The following PRDM11 variants were observed in gnomAD, a reference collection of about 807,000 sequenced individuals.
PRDM11 encodes PR/SET domain 11, also known as PR domain-containing protein 11.
Under a neutral mutation model 97.8 loss-of-function variants are expected in PRDM11, and 20 were observed. The ratio of observed to expected loss-of-function variants is 0.20; its 90% confidence interval spans 0.14 to 0.30. The LOEUF (loss-of-function observed/expected upper bound fraction) is 0.30. Among genes scored for constraint, PRDM11 ranks in the 10% least tolerant of loss-of-function variants. The probability of loss-of-function intolerance (pLI) is 1.00; values close to 1 mark genes in which losing one functional copy is unlikely to be tolerated. For missense variants in PRDM11, 1,139 were observed against 1,555.2 expected, an observed-to-expected ratio of 0.73 and a Z score of 4.50; for synonymous variants, 599 against 637.7, an observed-to-expected ratio of 0.94 and a Z score of 0.91.
Position 45,182,286 on chromosome 11 carries a change from A to C in PRDM11, c.160A>C (p.Lys54Gln), listed in dbSNP as rs766532697. The C allele has an allele frequency of 2.5e-6, 4 of 1,614,044 alleles. No homozygotes were observed. Among genetic ancestry groups the C allele is most frequent in the Non-Finnish European group, 2.5e-6 (3 of 1,180,022 alleles). The stretch of plus-strand genomic sequence containing the variant: ...CTCCTCGGCCATGGAAGTTGAGCCC[A>C]AGAAACTGAAGGGGAAGCGCGACCT... ...PDSSAMEVEP[K>Q]KLKGKRDLIV... Residue 54 changes from lysine (K) to glutamine (Q), a missense_variant, in exon 3 of 8, where the codon AAG becomes CAG. Physicochemically the swap from Lys to Gln is moderately conservative, Grantham distance 53 (BLOSUM62 1). Around this residue, in one of 2 missense-constraint regions of PRDM11, gnomAD observed 429 missense variants for 510.3 expected, o/e 0.84. Coordinates refer to ENST00000683152, the MANE Select transcript of PRDM11 (RefSeq NM_001384648.1).
chr11:45,094,751 T>TG (rs1554962632), upstream of PRDM11, among the ~76,000 whole-genome samples: 67 of 5,150 alleles, frequency 0.013, no homozygotes, highest in African/African-American at 0.015. Context: ...AGGGAAGGAA[T>TG]GAAGAAAGGG....
intron 4 of PRDM11, among the ~76,000 whole-genome samples, chr11:45,197,633 A>G (rs1274285379): frequency 6.6e-6 from 1 of 152,224 alleles, no homozygotes; most frequent in East Asian, 1.9e-4. Context: ...TGTTAAATAC[A>G]TACAGCTTTT....
At position 45,101,567 on chromosome 11, in the gene PRDM11, A is replaced by AAGAAGAAGAAGAAGAAGAAGAAGAAG. The variant is rs1554963215; in HGVS notation, c.96+5667_96+5668insGAAGAAGAAGAAGAAGAAGAAGAAGA. ...CAACACTCTGTCTCAAAAAAAAAAA[A>AAGAAGAAGAAGAAGAAGAAGAAGAAG]AAGAAGAAGAAGAAGAAGAAGAAGA... On this transcript the variant is annotated intron_variant, in intron 1 of 6. Coordinates refer to the PRDM11 transcript ENST00000530656. 1.5e-4 allele frequency among the ~76,000 whole-genome samples: 15 copies of AAGAAGAAGAAGAAGAAGAAGAAGAAG among 96,832 alleles called. 1 individual carries two copies. The highest frequency in any genetic ancestry group is 7.3e-4 in the African/African-American group (15 of 20,504). The allele number at this position is 96,832 out of a possible 152,430, so 63.5% of individuals were successfully genotyped here.
intron 1 of PRDM11, among the ~76,000 whole-genome samples, chr11:45,153,192 G>T (rs115246391): frequency 0.012 from 1,752 of 152,316 alleles, 29 homozygotes; most frequent in African/African-American, 0.04. Context: ...CTTCTGAGTA[G>T]CGAGGGGACC....
At chr11:45,154,153 G>A (rs1474939833) in intron 1 of PRDM11, among the ~76,000 whole-genome samples, 1 of 152,116 alleles carries the variant, frequency 6.6e-6, no homozygotes, top group Admixed American at 6.5e-5. Context: ...CCAGGAGTTT[G>A]AGACCAGCCT....
intron 1 of PRDM11, among the ~76,000 whole-genome samples, chr11:45,161,852 C>T (rs1170987414): frequency 6.6e-6 from 1 of 152,232 alleles, no homozygotes; most frequent in Non-Finnish European, 1.5e-5. Flanking sequence ...GCAGCCTGGC[C>T]AAGGTCATTT....
In PRDM11 at chr11:45,227,424, CGAG is replaced by C; in HGVS notation, c.2803_2805del (p.Glu935del). Reference sequence around the variant, plus strand: ...CCCCGGGAGAATACCTGCAGGAGTTCGAGGAGAATTTCCGAGAGAGCTTCAACG... The same window carrying C: ...CCCCGGGAGAATACCTGCAGGAGTTCGAGAATTTCCGAGAGAGCTTCAACG... On this transcript the variant is annotated inframe_deletion, in exon 8 of 8. Transcript: ENST00000683152. The surrounding 1 kb of genome is among the most constrained non-coding windows in gnomAD (Gnocchi z 8.0). The C allele has an allele frequency of 6.5e-7, 1 of 1,533,830 alleles. No individual in the cohort carries two copies. Among genetic ancestry groups the C allele is most frequent in the Non-Finnish European group, 8.7e-7 (1 of 1,146,714 alleles).
chr11:45,140,483 G>C (rs1852981844), intron 1 of PRDM11, among the ~76,000 whole-genome samples: 10 of 152,202 alleles, frequency 6.6e-5, no homozygotes, highest in Admixed American at 6.5e-4. Context: ...CCTATGGTGG[G>C]ACTTTGGAGA....
rs1460583289 is a variant in PRDM11, at chr11:45,228,211, A to G, written c.*52A>G. On this transcript the variant is annotated 3_prime_UTR_variant, in exon 8 of 8. Coordinates refer to ENST00000683152, the MANE Select transcript of PRDM11 (RefSeq NM_001384648.1). ...GCTGTTGAATATTTTTTTAATCTATACTCATAAGCTTTGATATATTATATA... is the reference window on the plus strand; with the variant it reads ...GCTGTTGAATATTTTTTTAATCTATGCTCATAAGCTTTGATATATTATATA... 2 of 1,212,356 alleles carry G rather than the reference A, an allele frequency of 1.6e-6. No individual in the cohort carries two copies. Among genetic ancestry groups the G allele is most frequent in the Non-Finnish European group, 2.1e-6 (2 of 948,100 alleles). The allele number at this position is 1,212,356 out of a possible 1,614,324, so 75.1% of individuals were successfully genotyped here.
intron 5 of PRDM11, among the ~76,000 whole-genome samples, chr11:45,216,675 GAAC>G (rs1211408845): frequency 6.6e-6 from 1 of 152,130 alleles, no homozygotes; most frequent in Non-Finnish European, 1.5e-5. Context: ...CTAAGTTTCA[GAAC>G]AACAAATACA....
At chr11:45,149,327 T>C (rs913928009) in intron 1 of PRDM11, among the ~76,000 whole-genome samples, 1 of 152,270 alleles carries the variant, frequency 6.6e-6, no homozygotes, top group African/African-American at 2.4e-5. Context: ...CCGAATGATC[T>C]GGCCCCTGCC....
chr11:45,203,282 G>A (rs962434311), intron 4 of PRDM11, among the ~76,000 whole-genome samples: 2 of 151,958 alleles, frequency 1.3e-5, no homozygotes, highest in African/African-American at 2.4e-5. Flanking sequence ...TGTCAATGAT[G>A]CCTCAATAAA....
intron 4 of PRDM11, among the ~76,000 whole-genome samples, chr11:45,194,880 G>C (rs1207877983): frequency 6.6e-6 from 1 of 152,022 alleles, no homozygotes. Context: ...TTACAGGCGT[G>C]AGCCACCGCG....
intron 1 of PRDM11, among the ~76,000 whole-genome samples, chr11:45,113,827 TTG>T (rs1169055410): frequency 1.0e-4 from 11 of 108,736 alleles, no homozygotes; most frequent in Admixed American, 2.7e-4. Flanking sequence ...TGTGTGTGTT[TTG>T]TTTTTTTTTT....
At chr11:45,222,438 T>A (rs1361117751) in intron 6 of PRDM11, among the ~76,000 whole-genome samples, 1 of 152,162 alleles carries the variant, frequency 6.6e-6, no homozygotes, top group Non-Finnish European at 1.5e-5. Flanking sequence ...GGCTCTTGAT[T>A]TTTAGAGATT....
intron 1 of PRDM11, among the ~76,000 whole-genome samples, chr11:45,097,095 C>T (rs572837571): frequency 6.6e-6 from 1 of 152,186 alleles, no homozygotes; most frequent in Non-Finnish European, 1.5e-5. Flanking sequence ...AAGGATATTT[C>T]CTGCAGCTAA....
chr11:45,204,734 T>C lies in PRDM11; in HGVS notation c.510T>C (p.Tyr170=). 1 of 1,612,962 alleles carries C rather than the reference T, an allele frequency of 6.2e-7. No individual in the cohort carries two copies. ...AGATTGTGGACAAGAACAACCGCTA[T>C]AAGTCCATAGATGGCTCAGACGAGA... ...SWLIVDKNNR[Y]KSIDGSDETK... is the part of the protein sequence containing the mutation. Residue 170 remains tyrosine, a synonymous_variant, in exon 5 of 8, where the codon TAT becomes TAC. Transcript: ENST00000683152.
intron 5 of PRDM11, chr11:45,213,593 G>A: frequency 2.2e-6 from 1 of 456,582 alleles, no homozygotes. Context: ...CTTTTTTGGA[G>A]TGGGGAGAAG....
At chr11:45,146,991 G>A (rs1398808216) in intron 1 of PRDM11, 114 bp downstream of exon 1, 1 of 146,074 alleles carries the variant, frequency 6.8e-6, no homozygotes, top group East Asian at 2.0e-4. Flanking sequence ...GGCGGCTGGG[G>A]GCGGGGGCGG....
Sources: gnomAD v4.1 joint callset for allele counts (sites outside exome capture counted in the v4.1 genomes callset) on GRCh38, gnomAD v4.1.1 for gene constraint, gnomAD v4.1.1 regional missense constraint, Gnocchi (gnomAD v3.1) non-coding constraint, MANE v1.5 for transcripts, NCBI Gene and HGNC (gene_info 2026-07-23, HGNC 2026-07-21) for gene names.